DENND1A: variants seen among roughly 807,000 people sequenced by gnomAD.
DENND1A encodes DENN domain containing 1A.
Under a neutral mutation model 113.7 loss-of-function variants are expected in DENND1A, and 51 were observed. That is an observed-to-expected ratio of 0.45 (90% CI 0.36 to 0.57). DENND1A has a LOEUF of 0.57. Ranked by LOEUF, DENND1A falls within the 20% of genes least tolerant of loss-of-function variation. The pLI is 0.00. For synonymous variants in DENND1A, 565 were observed against 570.8 expected (o/e 0.99, Z 0.14); for missense variants, 1,258 against 1,395.9 (o/e 0.90, Z 1.57).
intron 11 of DENND1A, among the ~76,000 whole-genome samples, chr9:123,594,847 C>CT (rs1344154560): frequency 6.6e-6 from 1 of 152,080 alleles, no homozygotes; most frequent in Non-Finnish European, 1.5e-5. Context: ...GCATGGGAAG[C>CT]TGGTGGCCTC....
At chr9:123,619,013 T>TCTCAGCTCACTGCAAC (rs1227136364) in intron 10 of DENND1A, among the ~76,000 whole-genome samples, 2 of 152,202 alleles carry the variant, frequency 1.3e-5, no homozygotes, top group Non-Finnish European at 2.9e-5. Flanking sequence ...AGTGACGCGA[T>TCTCAGCTCACTGCAAC]CTCAGCTCAC....
chr9:123,926,567 C>CAA (rs746978969), intron 1 of DENND1A, among the ~76,000 whole-genome samples: 189 of 40,966 alleles, frequency 4.6e-3, no homozygotes, highest in African/African-American at 9.5e-3. Context: ...AACTCCATCT[C>CAA]AAAAAAAAAA....
chr9:123,866,783 A>C (rs1038208131), intron 2 of DENND1A, among the ~76,000 whole-genome samples: 11 of 152,230 alleles, frequency 7.2e-5, no homozygotes, highest in African/African-American at 2.7e-4. Flanking sequence ...CACTTAAACA[A>C]TGGGCAAACC....
At chr9:123,798,970 T>C (rs1834190040) in intron 2 of DENND1A, among the ~76,000 whole-genome samples, 1 of 152,120 alleles carries the variant, frequency 6.6e-6, no homozygotes, top group Admixed American at 6.5e-5. Context: ...GAGTTAGGAT[T>C]CATTTTATCC....
At chr9:123,627,111 T>C (rs2061258353) in intron 10 of DENND1A, among the ~76,000 whole-genome samples, 1 of 152,150 alleles carries the variant, frequency 6.6e-6, no homozygotes, top group African/African-American at 2.4e-5. Flanking sequence ...CAGGGGTGAC[T>C]GCAGAGAAGG....
intron 5 of DENND1A, among the ~76,000 whole-genome samples, chr9:123,739,279 C>T (rs2068807422): frequency 6.6e-6 from 1 of 152,074 alleles, no homozygotes; most frequent in Admixed American, 6.6e-5. Context: ...TAAGGCCTCG[C>T]ACAAAAAGTG....
chr9:123,519,446 T>G (rs1260007103), intron 13 of DENND1A, among the ~76,000 whole-genome samples: 1 of 151,638 alleles, frequency 6.6e-6, no homozygotes, highest in African/African-American at 2.4e-5. Context: ...TTTTTAAATT[T>G]TTTTTTTTTG....
At chr9:123,415,463 A>G (rs2044650855) in intron 19 of DENND1A, among the ~76,000 whole-genome samples, 2 of 152,170 alleles carry the variant, frequency 1.3e-5, no homozygotes, top group Admixed American at 1.3e-4. Context: ...GGAGGGCTGC[A>G]CTAATTATCA....
chr9:123,569,978 G>A (rs1226753235), intron 12 of DENND1A, among the ~76,000 whole-genome samples: 1 of 152,046 alleles, frequency 6.6e-6, no homozygotes, highest in Non-Finnish European at 1.5e-5. Context: ...TCCCAATCTG[G>A]TCCCTCCTGT....
intron 3 of DENND1A, among the ~76,000 whole-genome samples, chr9:123,772,086 T>C (rs1421046224): frequency 6.6e-6 from 1 of 152,136 alleles, no homozygotes; most frequent in Admixed American, 6.6e-5. Flanking sequence ...ATCTACTTCT[T>C]AATTTGAGAA....
At chr9:123,710,026 T>C (rs2066477744) in intron 5 of DENND1A, among the ~76,000 whole-genome samples, 3 of 152,232 alleles carry the variant, frequency 2.0e-5, no homozygotes, top group African/African-American at 7.2e-5. Context: ...AGCCAAGTGG[T>C]AGCAAGTGGT....
intron 1 of DENND1A, among the ~76,000 whole-genome samples, chr9:123,920,039 T>C (rs1039386971): frequency 6.6e-6 from 1 of 152,134 alleles, no homozygotes; most frequent in Non-Finnish European, 1.5e-5. Flanking sequence ...TGATGGGAAT[T>C]TGGGGGCTCA....
At chr9:123,406,978 A>G (rs1450800334) in intron 20 of DENND1A, among the ~76,000 whole-genome samples, 1 of 152,182 alleles carries the variant, frequency 6.6e-6, no homozygotes, top group Non-Finnish European at 1.5e-5. Context: ...GGCAACTTCA[A>G]CTGAACTTGC....
At chr9:123,861,631 A>G (rs1322879588) in intron 2 of DENND1A, among the ~76,000 whole-genome samples, 1 of 152,202 alleles carries the variant, frequency 6.6e-6, no homozygotes, top group Non-Finnish European at 1.5e-5. Flanking sequence ...CCAGCCATGG[A>G]AAGATCTGTT....
At chr9:123,720,302 C>T (rs960411856) in intron 5 of DENND1A, among the ~76,000 whole-genome samples, 1 of 152,130 alleles carries the variant, frequency 6.6e-6, no homozygotes, top group Non-Finnish European at 1.5e-5. Context: ...GAAGAGGCAG[C>T]TGCCTCAGCC....
chr9:123,598,063 A>G (rs2059774803), intron 11 of DENND1A, among the ~76,000 whole-genome samples: 1 of 152,214 alleles, frequency 6.6e-6, no homozygotes, highest in Non-Finnish European at 1.5e-5. Context: ...AAGGGAGCTG[A>G]GCCCTCTGAC....
At chr9:123,390,970 C>T (rs774497982) in intron 21 of DENND1A, among the ~76,000 whole-genome samples, 4 of 152,260 alleles carry the variant, frequency 2.6e-5, no homozygotes, top group African/African-American at 7.2e-5. Context: ...CAGGAATTTC[C>T]GGCTTCACCC....
intron 4 of DENND1A, among the ~76,000 whole-genome samples, chr9:123,763,287 T>C (rs1417813522): frequency 6.6e-6 from 1 of 152,072 alleles, no homozygotes; most frequent in South Asian, 2.1e-4. Flanking sequence ...GCTTAACTCA[T>C]GTAGGGAGAG....
intron 1 of DENND1A, among the ~76,000 whole-genome samples, chr9:123,902,567 T>A (rs685226): frequency 6.6e-6 from 1 of 152,130 alleles, no homozygotes; most frequent in Non-Finnish European, 1.5e-5. Context: ...CAAATCTAGA[T>A]AGAGCTCTCC....
Sources: gnomAD v4.1 joint callset for allele counts (sites outside exome capture counted in the v4.1 genomes callset) on GRCh38, gnomAD v4.1.1 for gene constraint, MANE v1.5 for transcripts, NCBI Gene and HGNC (gene_info 2026-07-23, HGNC 2026-07-21) for gene names.